The following TSPYL1 variants were observed in gnomAD, a reference collection of about 807,000 sequenced individuals.
The protein encoded by TSPYL1 is testis-specific Y-encoded-like protein 1.
Under a neutral mutation model 20.1 loss-of-function variants are expected in TSPYL1, and 16 were observed. That is an observed-to-expected ratio of 0.80 (90% CI 0.54 to 1.21). The LOEUF (loss-of-function observed/expected upper bound fraction) is 1.21, where lower values mean the gene tolerates loss of function less well. Ranked by LOEUF, TSPYL1 falls within the 50% of genes most tolerant of loss-of-function variation. TSPYL1 has a pLI of 0.00. For missense variants in TSPYL1, 560 were observed against 569.3 expected (o/e 0.98, Z 0.17); for synonymous variants, 259 against 227.1 (o/e 1.14, Z -1.26).
rs1773299389 is a variant in TSPYL1 at position 116,278,881 on chromosome 6, G to C, written c.950C>G (p.Thr317Ser). 1 of 1,614,028 alleles carries C rather than the reference G, an allele frequency of 6.2e-7. No individual in the cohort carries two copies. Among genetic ancestry groups the C allele is most frequent in the Non-Finnish European group, 8.5e-7 (1 of 1,180,014 alleles). Reference sequence around the variant, plus strand: ...AAAGAAGAACTTGAACTTGCAACCGGTTCTAGGGTGTCTGAGTTCCTTCAC... The same window carrying C: ...AAAGAAGAACTTGAACTTGCAACCGCTTCTAGGGTGTCTGAGTTCCTTCAC... ...LEVKELRHPRTGCKFKFFFRR... is the reference protein window; with the variant it reads ...LEVKELRHPRSGCKFKFFFRR... The change falls in exon 1 of 1, where the codon ACC (threonine) becomes AGC (serine). Residue 317 changes from threonine to serine, a missense_variant. Coordinates refer to ENST00000368608, the MANE Select transcript of TSPYL1 (RefSeq NM_003309.4).
At position 116,276,383 on chromosome 6, in the gene TSPYL1, TG is replaced by T. The variant is rs1773142936; in HGVS notation, c.*2133del. Reference sequence around the variant, plus strand: ...GGATTTGAGCAACTGAAGGGGAGGTTGTGCTGCATAAACTACATGGAAAAAA... The same window carrying T: ...GGATTTGAGCAACTGAAGGGGAGGTTTGCTGCATAAACTACATGGAAAAAA... On this transcript the variant is annotated 3_prime_UTR_variant, in exon 1 of 1. Transcript: ENST00000368608. Among the ~76,000 whole-genome samples, 1 of 152,176 alleles carries T rather than the reference TG, an allele frequency of 6.6e-6. No individual in the cohort carries two copies. Among genetic ancestry groups the T allele is most frequent in the Non-Finnish European group, 1.5e-5 (1 of 68,042 alleles).
chr6:116,278,349 C>G lies in TSPYL1; in HGVS notation c.*168G>C. ...TGGAAGTGGAGAAGCATACCCACCA[C>G]CGTCTCAATCTTGAGGTTGAGAGAA... is the stretch of plus-strand genomic sequence containing the variant. On this transcript the variant is annotated 3_prime_UTR_variant, in exon 1 of 1. Transcript: ENST00000368608. 5.1e-6 allele frequency: 4 copies of G among 785,112 alleles called. No homozygotes were observed. The South Asian group carries it at 6.9e-5, about 14-fold the overall frequency. The allele number at this position is 785,112 out of a possible 1,614,324, so 48.6% of individuals were successfully genotyped here.
Position 116,279,882 on chromosome 6 carries a change from C to T in TSPYL1, c.-52G>A. ...GCGAACGCCCGTTTTCCTCAGAGGC[C>T]GAACTGGGAGCTAACCGCCGCTCGC... On this transcript the variant is annotated 5_prime_UTR_variant, in exon 1 of 1. Coordinates refer to ENST00000368608, the MANE Select transcript of TSPYL1 (RefSeq NM_003309.4). The T allele has an allele frequency of 6.2e-7, 1 of 1,612,476 alleles. No homozygotes were observed. The highest frequency in any genetic ancestry group is 8.5e-7 in the Non-Finnish European group (1 of 1,179,636).
chr6:116,277,747 TAA>T lies in TSPYL1; in HGVS notation c.*768_*769del, dbSNP rs1773221632. The T allele has an allele frequency of 6.6e-6, 1 of 151,142 alleles. No individual in the cohort carries two copies. Among genetic ancestry groups the T allele is most frequent in the Admixed American group, 6.6e-5 (1 of 15,206 alleles). 9.4% of individuals were successfully genotyped at this position (151,142 alleles called of 1,614,324 possible). On this transcript the variant is annotated 3_prime_UTR_variant, in exon 1 of 1. Coordinates refer to ENST00000368608, the MANE Select transcript of TSPYL1 (RefSeq NM_003309.4). ...TGAAACCCCGTCTCTACTAAAAATA[TAA>T]AAATTAGCCGGGCGTGGCGGCGCGC...
Position 116,278,343 on chromosome 6 carries a change from C to G in TSPYL1, c.*174G>C. 1 of 748,592 alleles carries G rather than the reference C, an allele frequency of 1.3e-6. No individual in the cohort carries two copies. Among genetic ancestry groups the G allele is most frequent in the South Asian group, 1.8e-5 (1 of 56,352 alleles). 46.4% of individuals were successfully genotyped at this position (748,592 alleles called of 1,614,324 possible). ...GTCATATGGAAGTGGAGAAGCATACCCACCACCGTCTCAATCTTGAGGTTG... is the reference window on the plus strand; with the variant it reads ...GTCATATGGAAGTGGAGAAGCATACGCACCACCGTCTCAATCTTGAGGTTG... On this transcript the variant is annotated 3_prime_UTR_variant, in exon 1 of 1. Coordinates refer to ENST00000368608, the MANE Select transcript of TSPYL1 (RefSeq NM_003309.4).
Position 116,279,462 on chromosome 6 carries a change from C to G in TSPYL1, c.369G>C (p.Lys123Asn). The change falls in exon 1 of 1, where the codon AAG (lysine) becomes AAC (asparagine). Residue 123 changes from lysine (K) to asparagine (N), a missense_variant. Lys to Asn is a moderately conservative substitution (Grantham distance 94). Transcript: ENST00000368608. ...GGGCCTTCTCTCCACCCTGAACGCC[C>G]TTTTTCAGGCTGCGGTCGGCTGCCA... Reference protein sequence around the residue: ...VVMAADRSLKKGVQGGEKALE... With the variant: ...VVMAADRSLKNGVQGGEKALE... The G allele has an allele frequency of 6.2e-7, 1 of 1,613,106 alleles. No individual in the cohort carries two copies. The highest frequency in any genetic ancestry group is 1.1e-5 in the South Asian group (1 of 91,082).
chr6:116,276,092 C>T lies in TSPYL1; in HGVS notation c.*2425G>A, dbSNP rs562701012. On this transcript the variant is annotated 3_prime_UTR_variant, in exon 1 of 1. Coordinates refer to ENST00000368608, the MANE Select transcript of TSPYL1 (RefSeq NM_003309.4). ...TAATTTTCTAGAACAGAGGTCCCTC[C>T]AAAGTACACTAAGTGCATAAAGAAA... 3.3e-5 allele frequency among the ~76,000 whole-genome samples: 5 copies of T among 152,110 alleles called. No homozygotes were observed. The highest frequency in any genetic ancestry group is 4.8e-5 in the African/African-American group (2 of 41,414).
Position 116,275,781 on chromosome 6 carries a change from A to G in TSPYL1, c.*2736T>C, listed in dbSNP as rs999261312. ...CGCCACTTGCGCTCCAGCCTGGGCAAGAGTGGGACTCTATCTCAAAAAAAA... is the reference window on the plus strand; with the variant it reads ...CGCCACTTGCGCTCCAGCCTGGGCAGGAGTGGGACTCTATCTCAAAAAAAA... On this transcript the variant is annotated 3_prime_UTR_variant, in exon 1 of 1. Transcript: ENST00000368608. Among the ~76,000 whole-genome samples the G allele has an allele frequency of 5.4e-5, 8 of 149,276 alleles. No homozygotes were observed. Among genetic ancestry groups the G allele is most frequent in the African/African-American group, 2.0e-4 (8 of 39,148 alleles).
chr6:116,275,948 ACT>A lies in TSPYL1; in HGVS notation c.*2567_*2568del, dbSNP rs2114624755. Among the ~76,000 whole-genome samples, 1 of 152,252 alleles carries A rather than the reference ACT, an allele frequency of 6.6e-6. No homozygotes were observed. The highest frequency in any genetic ancestry group is 1.9e-4 in the East Asian group (1 of 5,170). On this transcript the variant is annotated 3_prime_UTR_variant, in exon 1 of 1. Transcript: ENST00000368608. ...TCTCTGTATTTTATTTTACTGTATC[ACT>A]CTGTTAATTCTTTGTTTGCTTATCA...
Position 116,276,022 on chromosome 6 carries a change from C to G in TSPYL1, c.*2495G>C, listed in dbSNP as rs1431586910. 1.3e-5 allele frequency among the ~76,000 whole-genome samples: 2 copies of G among 152,204 alleles called. No homozygotes were observed. Among genetic ancestry groups the G allele is most frequent in the Non-Finnish European group, 2.9e-5 (2 of 68,032 alleles). ...GAAGGGAATGGACTTTATCTTCTTA[C>G]TCTTTTTCTCTATTTGTGGAATTCA... On this transcript the variant is annotated 3_prime_UTR_variant, in exon 1 of 1. Transcript: ENST00000368608.
rs371860778 is a variant in TSPYL1, at chr6:116,279,147, G to C, written c.684C>G (p.Arg228=). Residue 228 remains arginine (R), a synonymous_variant, in exon 1 of 1, where the codon CGC becomes CGG. Transcript: ENST00000368608. ...EGPWPLHEAL[R]MDPLEAIQLE... ...GCTGGATGGCCTCCAGAGGGTCCAT[G>C]CGGAGAGCCTCATGCAAAGGCCAGG... 5 of 1,613,868 alleles carry C rather than the reference G, an allele frequency of 3.1e-6. No homozygotes were observed. The African/African-American group carries it at 6.7e-5, about 22-fold the overall frequency.
In TSPYL1 at chr6:116,278,514, A is replaced by G; in HGVS notation, c.*3T>C. The stretch of plus-strand genomic sequence containing the variant: ...TGTGCAGGAGTATTCCCAAGGGCAA[A>G]TGTTAACCAGACTGGAACCCAAAGG... On this transcript the variant is annotated 3_prime_UTR_variant, in exon 1 of 1. Transcript: ENST00000368608. 6.2e-7 allele frequency: 1 copy of G among 1,613,978 alleles called. No individual in the cohort carries two copies. The highest frequency in any genetic ancestry group is 8.5e-7 in the Non-Finnish European group (1 of 1,180,020).
At position 116,279,516 on chromosome 6, in the gene TSPYL1, G is replaced by A. The variant is rs770759929; in HGVS notation, c.315C>T (p.Ala105=). The change falls in exon 1 of 1, where the codon GCC becomes GCT. Residue 105 remains alanine (A), a synonymous_variant. Transcript: ENST00000368608. ...KAGQEEGQPP[A]EGLAAASVVM... is the part of the protein sequence containing the mutation. ...CCACAGAAGCGGCTGCCAGGCCTTCGGCGGGAGGCTGGCCCTCTTCCTGCC... is the reference window on the plus strand; with the variant it reads ...CCACAGAAGCGGCTGCCAGGCCTTCAGCGGGAGGCTGGCCCTCTTCCTGCC... 1.1e-5 allele frequency: 18 copies of A among 1,608,544 alleles called. No individual in the cohort carries two copies. Among genetic ancestry groups the A allele is most frequent in the Non-Finnish European group, 1.5e-5 (18 of 1,179,998 alleles).
rs1277959859 is a variant in TSPYL1, at chr6:116,275,035, A to G, written c.*3482T>C. Reference sequence around the variant, plus strand: ...TTAACACAATGTCAAAAATATTTCAACATGCAATCAATATGAAAAAAATTG... The same window carrying G: ...TTAACACAATGTCAAAAATATTTCAGCATGCAATCAATATGAAAAAAATTG... On this transcript the variant is annotated 3_prime_UTR_variant, in exon 1 of 1. Coordinates refer to ENST00000368608, the MANE Select transcript of TSPYL1 (RefSeq NM_003309.4). Among the ~76,000 whole-genome samples, 1 of 152,258 alleles carries G rather than the reference A, an allele frequency of 6.6e-6. No homozygotes were observed. The highest frequency in any genetic ancestry group is 1.5e-5 in the Non-Finnish European group (1 of 68,044).
In TSPYL1 at chr6:116,277,884, A is replaced by G. The variant is rs1054218692; in HGVS notation, c.*633T>C. ...GCCACTGCACTCCAACCTGGGCGACAGAGCAAGACTCCGTCCTCCGTCTCA... is the reference window on the plus strand; with the variant it reads ...GCCACTGCACTCCAACCTGGGCGACGGAGCAAGACTCCGTCCTCCGTCTCA... On this transcript the variant is annotated 3_prime_UTR_variant, in exon 1 of 1. Transcript: ENST00000368608. 3.5e-5 allele frequency: 5 copies of G among 141,356 alleles called. No homozygotes were observed. The highest frequency in any genetic ancestry group is 6.0e-5 in the Non-Finnish European group (4 of 66,462). 8.8% of individuals were successfully genotyped at this position (141,356 alleles called of 1,614,324 possible). A position where few individuals can be genotyped will look rare whatever the true frequency, so the allele number is the denominator to read the frequency against.
rs1034648999 is a variant in TSPYL1 at position 116,279,463 on chromosome 6, T to C, written c.368A>G (p.Lys123Arg). The change falls in exon 1 of 1, where the codon AAG becomes AGG. Residue 123 changes from lysine to arginine, a missense_variant. Lys to Arg is a conservative substitution (Grantham distance 26). Transcript: ENST00000368608. Reference sequence around the variant, plus strand: ...GGCCTTCTCTCCACCCTGAACGCCCTTTTTCAGGCTGCGGTCGGCTGCCAT... The same window carrying C: ...GGCCTTCTCTCCACCCTGAACGCCCCTTTTCAGGCTGCGGTCGGCTGCCAT... Reference protein sequence around the residue: ...VVMAADRSLKKGVQGGEKALE... With the variant: ...VVMAADRSLKRGVQGGEKALE... 4 of 1,612,812 alleles carry C rather than the reference T, an allele frequency of 2.5e-6. No individual in the cohort carries two copies. Among genetic ancestry groups the C allele is most frequent in the South Asian group, 2.2e-5 (2 of 91,088 alleles).
Position 116,278,570 on chromosome 6 carries a change from G to T in TSPYL1, c.1261C>A (p.Pro421Thr), listed in dbSNP as rs1300601095. Residue 421 changes from proline (P) to threonine (T), a missense_variant, in exon 1 of 1, where the codon CCG (proline) becomes ACG (threonine). By Grantham distance (38) the Pro-to-Thr change is conservative (BLOSUM62 -1). Transcript: ENST00000368608. Reference sequence around the variant, plus strand: ...GGGATCTCTACAGGCTCCCTTAGCGGGCGACGTCGGGCTCTACGGACTCCT... The same window carrying T: ...GGGATCTCTACAGGCTCCCTTAGCGTGCGACGTCGGGCTCTACGGACTCCT... ...REGVRRARRRPLREPVEIPRP... is the reference protein window; with the variant it reads ...REGVRRARRRTLREPVEIPRP... 1 of 1,614,040 alleles carries T rather than the reference G, an allele frequency of 6.2e-7. No homozygotes were observed. Among genetic ancestry groups the T allele is most frequent in the African/African-American group, 1.3e-5 (1 of 74,916 alleles).
chr6:116,279,606 C>CGCGGCATCCTGGGGT lies in TSPYL1; in HGVS notation c.210_224dup (p.Pro71_Ala75dup). On this transcript the variant is annotated inframe_insertion, in exon 1 of 1. Coordinates refer to ENST00000368608, the MANE Select transcript of TSPYL1 (RefSeq NM_003309.4). ...GGATCTGGGGAGTACCGCCACGGCC[C>CGCGGCATCCTGGGGT]GCGGCATCCTGGGGTACGCCCCCCT... 5 of 1,602,366 alleles carry CGCGGCATCCTGGGGT rather than the reference C, an allele frequency of 3.1e-6. No individual in the cohort carries two copies. Among genetic ancestry groups the CGCGGCATCCTGGGGT allele is most frequent in the Non-Finnish European group, 4.2e-6 (5 of 1,179,778 alleles).
rs2114631970 is a variant in TSPYL1, at chr6:116,278,578, C to T, written c.1253G>A (p.Arg418Gln). ...TACAGGCTCCCTTAGCGGGCGACGT[C>T]GGGCTCTACGGACTCCTTCACGCAA... ...YLLREGVRRA[R>Q]RRPLREPVEI... The change falls in exon 1 of 1, where the codon CGA becomes CAA. Residue 418 changes from arginine (R) to glutamine (Q), a missense_variant. Transcript: ENST00000368608. 5.6e-6 allele frequency: 9 copies of T among 1,614,150 alleles called. No individual in the cohort carries two copies. Among genetic ancestry groups the T allele is most frequent in the East Asian group, 2.2e-5 (1 of 44,866 alleles).
Sources: gnomAD v4.1 joint callset for allele counts (sites outside exome capture counted in the v4.1 genomes callset) on GRCh38, gnomAD v4.1.1 for gene constraint, MANE v1.5 for transcripts, NCBI Gene and HGNC (gene_info 2026-07-23, HGNC 2026-07-21) for gene names.